Variants in PAX6 observed in about 807,000 individuals in gnomAD.
PAX6 encodes paired box protein Pax-6.
Under a neutral mutation model 60.7 loss-of-function variants are expected in PAX6, and 7 were observed. The observed-to-expected ratio is 0.12, with a 90% CI of 0.07 to 0.22. PAX6 has a LOEUF of 0.22. PAX6 is among the 10% of genes least tolerant of loss of function. PAX6 has a pLI of 1.00. For synonymous variants in PAX6, 208 were observed against 201.2 expected, an observed-to-expected ratio of 1.03 and a Z score of -0.29; for missense variants, 355 against 555.2, an observed-to-expected ratio of 0.64 and a Z score of 3.62.
intron 5 of PAX6, 115 bp from the exon 6 acceptor site, chr11:31,802,027 T>A: frequency 1.1e-6 from 1 of 880,294 alleles, no homozygotes; most frequent in Non-Finnish European, 1.8e-6. Context: ...TTTCAAACAA[T>A]TTGAACTAAA....
Position 31,794,771 on chromosome 11 carries a change from C to T in PAX6, c.583G>A (p.Glu195Lys), listed in dbSNP as rs138803897. The T allele has an allele frequency of 1.2e-6, 2 of 1,614,144 alleles. No individual in the cohort carries two copies. The highest frequency in any genetic ancestry group is 1.7e-6 in the Non-Finnish European group (2 of 1,180,012). ...QPTQDGCQQQ[E>K]GGGENTNSIS... ...GAGTTGGTATTCTCTCCCCCTCCTT[C>T]CTGTTGCTGGCAGCCATCTGGAACA... The change falls in exon 9 of 14, where the codon GAA becomes AAA. Residue 195 changes from glutamate (E) to lysine (K), a missense_variant. Around this residue, in one of 5 missense-constraint regions of PAX6, gnomAD observed 143 missense variants for 183.6 expected, o/e 0.78. Transcript: ENST00000640368.
At chr11:31,817,184 T>G (rs761778817) in intron 1 of PAX6, among the ~76,000 whole-genome samples, 4 of 152,256 alleles carry the variant, frequency 2.6e-5, no homozygotes, top group Non-Finnish European at 5.9e-5. Flanking sequence ...TTATTAGGTC[T>G]TCCGAAGTGA....
chr11:31,810,422 C>A (rs768551409), intron 2 of PAX6: 4 of 155,820 alleles, frequency 2.6e-5, no homozygotes, highest in East Asian at 3.8e-4. Context: ...TTGCTCTCTG[C>A]GGCCGTTCCA....
chr11:31,808,198 C>T (rs1202263086), intron 2 of PAX6: 1 of 152,068 alleles, frequency 6.6e-6, no homozygotes, highest in Non-Finnish European at 1.5e-5. Flanking sequence ...TATTGATCTG[C>T]CTGCCTGCAA....
At chr11:31,795,961 C>T (rs1376745087) in intron 8 of PAX6, among the ~76,000 whole-genome samples, 1 of 152,218 alleles carries the variant, frequency 6.6e-6, no homozygotes, top group Non-Finnish European at 1.5e-5. Context: ...CCTAGGAGCG[C>T]CTTGGTGGGA....
At chr11:31,803,150 ACAGAGT>A (rs1332239416) in intron 4 of PAX6, 5 of 422,078 alleles carry the variant, frequency 1.2e-5, no homozygotes, top group Non-Finnish European at 1.8e-5. Flanking sequence ...CAGCAGCAAC[ACAGAGT>A]CAGACACATG....
chr11:31,809,958 G>A (rs1311303838), intron 2 of PAX6: 1 of 152,446 alleles, frequency 6.6e-6, no homozygotes, highest in East Asian at 1.9e-4. Flanking sequence ...GCAAGGCAAG[G>A]GAGATGAGAG....
chr11:31,807,341 G>C (rs1163449774), intron 2 of PAX6: 2 of 152,626 alleles, frequency 1.3e-5, no homozygotes, highest in Non-Finnish European at 2.9e-5. Context: ...TGGTGCCGGA[G>C]AGCATAGGCT....
intron 4 of PAX6, chr11:31,803,638 T>C (rs1954838640): frequency 6.6e-6 from 1 of 152,290 alleles, no homozygotes; most frequent in African/African-American, 2.4e-5. Flanking sequence ...CACAGACAAG[T>C]CCGGCCACCG....
chr11:31,809,507 C>A lies in PAX6; in HGVS notation c.-129+1321G>T, dbSNP rs536682721. 5.9e-5 allele frequency: 9 copies of A among 152,312 alleles called. No homozygotes were observed. In the South Asian group the frequency reaches 1.9e-3, roughly 32 times the overall value. 9.4% of individuals were successfully genotyped at this position (152,312 alleles called of 1,614,324 possible). ...TCATGAATGAAGAGCCAGGTTTTAG[C>A]ACTCGAAAAAGAAAGCATTTCCACT... On this transcript the variant is annotated intron_variant, in intron 2 of 13. Transcript: ENST00000640368.
chr11:31,799,129 G>A (rs901339639), intron 8 of PAX6, among the ~76,000 whole-genome samples: 1 of 152,242 alleles, frequency 6.6e-6, no homozygotes, highest in Non-Finnish European at 1.5e-5. Flanking sequence ...GGTGTCACTT[G>A]GGTGTGTCCA....
At position 31,790,702 on chromosome 11, in the gene PAX6, T is replaced by G; in HGVS notation, c.1225+8A>C. ...CCTCTGTGCAGCCTGCAGAAAGCAG[T>G]GGCTCACCTGTTGAAGTGGTGCCCG... On this transcript the variant is annotated splice_region_variant and intron_variant, in intron 13 of 13. Transcript: ENST00000640368. 6.2e-7 allele frequency: 1 copy of G among 1,613,976 alleles called. No individual in the cohort carries two copies. The highest frequency in any genetic ancestry group is 8.5e-7 in the Non-Finnish European group (1 of 1,180,010).
chr11:31,803,785 T>C (rs778607054), intron 4 of PAX6: 1 of 152,548 alleles, frequency 6.6e-6, no homozygotes, highest in South Asian at 2.1e-4. Context: ...TACCACATCA[T>C]AGTGTTCCCC....
intron 13 of PAX6, chr11:31,790,346 C>T: frequency 1.2e-6 from 1 of 830,384 alleles, no homozygotes; most frequent in Non-Finnish European, 1.6e-6. Context: ...CTTTTTATTT[C>T]CAGCAAAAGG....
chr11:31,792,291 G>A (rs893030236), intron 12 of PAX6: 2 of 152,198 alleles, frequency 1.3e-5, no homozygotes, highest in Admixed American at 1.3e-4. Flanking sequence ...CAACTAATGG[G>A]CTGTTAATCC....
At chr11:31,800,238 C>A (rs1953200448) in intron 8 of PAX6, among the ~76,000 whole-genome samples, 1 of 152,144 alleles carries the variant, frequency 6.6e-6, no homozygotes, top group African/African-American at 2.4e-5. Context: ...CCCTGCTCAC[C>A]TTTTCATGTG....
chr11:31,794,473 CACACACTG>C, intron 9 of PAX6, 149 bp downstream of exon 9: 1 of 433,786 alleles, frequency 2.3e-6, no homozygotes, highest in East Asian at 4.4e-5. Context: ...CACACACACA[CACACACTG>C]AAAAGATGCC....
intron 1 of PAX6, chr11:31,816,662 C>T (rs1957393203): frequency 1.4e-6 from 1 of 701,050 alleles, no homozygotes; most frequent in Admixed American, 2.0e-5. Context: ...GCCGGACTGC[C>T]ACTGCGCTCG....
At chr11:31,794,421 CA>C (rs1565204527) in intron 9 of PAX6, 26 of 862 alleles carry the variant, frequency 0.03, no homozygotes, top group Admixed American at 0.077. Context: ...ACACACACAC[CA>C]CACACACACA....
Sources: gnomAD v4.1 joint callset for allele counts (sites outside exome capture counted in the v4.1 genomes callset) on GRCh38, gnomAD v4.1.1 for gene constraint, gnomAD v4.1.1 regional missense constraint, MANE v1.5 for transcripts, NCBI Gene and HGNC (gene_info 2026-07-23, HGNC 2026-07-21) for gene names.